TRAPPC6A: variants seen among roughly 807,000 people sequenced by gnomAD.
TRAPPC6A encodes the protein TRAPP complex subunit 6A.
TRAPPC6A carries 25 observed loss-of-function variants against 20.8 expected under a neutral mutation model. That is an observed-to-expected ratio of 1.20 (90% CI 0.88 to 1.68). The LOEUF (loss-of-function observed/expected upper bound fraction) is 1.68. Among genes scored for constraint, TRAPPC6A ranks in the 40% most tolerant of loss-of-function variants. The pLI, the probability that TRAPPC6A is intolerant of heterozygous loss-of-function variation, is 0.00. For synonymous variants in TRAPPC6A, 96 were observed against 93.3 expected (o/e 1.03, Z -0.16); for missense variants, 215 against 211.6 (o/e 1.02, Z -0.10).
At chr19:45,164,771 T>G (rs550685954) in intron 3 of TRAPPC6A, 82 bp downstream of exon 3, 1 of 1,354,752 alleles carries the variant, frequency 7.4e-7, no homozygotes, top group African/African-American at 1.4e-5. Context: ...CAGCCGCTGC[T>G]CTGGCGCCGG....
intron 1 of TRAPPC6A, among the ~76,000 whole-genome samples, chr19:45,167,048 A>C (rs997397853): frequency 6.6e-6 from 1 of 151,862 alleles, no homozygotes; most frequent in Non-Finnish European, 1.5e-5. Flanking sequence ...CCTCCCTCCC[A>C]GCTTGCGTCC....
intron 1 of TRAPPC6A, among the ~76,000 whole-genome samples, chr19:45,175,215 C>A (rs1303547341): frequency 6.7e-6 from 1 of 149,308 alleles, no homozygotes; most frequent in Non-Finnish European, 1.5e-5. Flanking sequence ...GAGCCCAGAT[C>A]GCGCCACTGC....
chr19:45,169,539 C>T (rs981139294), intron 1 of TRAPPC6A, among the ~76,000 whole-genome samples: 1 of 152,246 alleles, frequency 6.6e-6, no homozygotes, highest in African/African-American at 2.4e-5. Flanking sequence ...AACCTGAGTA[C>T]TTCAAGGCAG....
intron 1 of TRAPPC6A, among the ~76,000 whole-genome samples, chr19:45,176,754 C>A (rs746346484): frequency 7.2e-5 from 11 of 152,084 alleles, no homozygotes; most frequent in Non-Finnish European, 1.2e-4. Flanking sequence ...TCTTACATGG[C>A]CAGGTGCGGT....
chr19:45,175,426 C>CA (rs1217215768), intron 1 of TRAPPC6A, among the ~76,000 whole-genome samples: 5,454 of 81,246 alleles, frequency 0.067, 333 homozygotes, highest in African/African-American at 0.19. Flanking sequence ...GACTCCGTCT[C>CA]AAAAAAAAAA....
chr19:45,172,146 T>C lies in TRAPPC6A; in HGVS notation c.84+5989A>G, dbSNP rs987457344. On this transcript the variant is annotated intron_variant, in intron 1 of 5. Coordinates refer to ENST00000585934, the MANE Select transcript of TRAPPC6A (RefSeq NM_001270891.2). The surrounding 1 kb of genome is among the most constrained non-coding windows in gnomAD (Gnocchi z 4.2). ...CAAATAACCACCGTACCAGGCAGGA[T>C]AGGAGGTCACAAAAGCCCTACACAC... Among the ~76,000 whole-genome samples, 1 of 151,406 alleles carries C rather than the reference T, an allele frequency of 6.6e-6. No homozygotes were observed. The highest frequency in any genetic ancestry group is 1.5e-5 in the Non-Finnish European group (1 of 67,884).
intron 1 of TRAPPC6A, among the ~76,000 whole-genome samples, chr19:45,166,703 C>G (rs1185243715): frequency 6.6e-6 from 1 of 152,038 alleles, no homozygotes; most frequent in Non-Finnish European, 1.5e-5. Flanking sequence ...GAAGGAAGCT[C>G]ACCCTCCCGC....
Position 45,163,797 on chromosome 19 carries a change from G to A in TRAPPC6A, c.448+119C>T, listed in dbSNP as rs944206477. ...ATGGGCCTGCACCAGCCGTGTGGCTGAGCAGGTGACTTAAAACTGGGCCTG... is the reference window on the plus strand; with the variant it reads ...ATGGGCCTGCACCAGCCGTGTGGCTAAGCAGGTGACTTAAAACTGGGCCTG... On this transcript the variant is annotated intron_variant, in intron 5 of 5. Transcript: ENST00000585934. The surrounding 1 kb of genome is among the most constrained non-coding windows in gnomAD (Gnocchi z 5.3). 2.3e-6 allele frequency: 2 copies of A among 863,822 alleles called. No individual in the cohort carries two copies. Among genetic ancestry groups the A allele is most frequent in the Non-Finnish European group, 3.7e-6 (2 of 546,842 alleles). 53.5% of individuals were successfully genotyped at this position (863,822 alleles called of 1,614,324 possible). A position where few individuals can be genotyped will look rare whatever the true frequency, so the allele number is the denominator to read the frequency against.
rs957751289 is a variant in TRAPPC6A, at chr19:45,163,282, G to A, written c.449-59C>T. The A allele has an allele frequency of 9.4e-6, 15 of 1,595,848 alleles. No homozygotes were observed. In the East Asian group the frequency reaches 1.1e-4, roughly 12 times the overall value. On this transcript the variant is annotated intron_variant, in intron 5 of 5. Coordinates refer to ENST00000585934, the MANE Select transcript of TRAPPC6A (RefSeq NM_001270891.2). The surrounding 1 kb of genome is among the most constrained non-coding windows in gnomAD (Gnocchi z 5.3). ...GGGATGGGGGAGGCAGAGGGCACCT[G>A]GACGGCTCTTAGGCGCTCACCCCCG...
intron 1 of TRAPPC6A, among the ~76,000 whole-genome samples, chr19:45,170,292 G>T (rs1969242515): frequency 1.3e-5 from 2 of 152,248 alleles, no homozygotes; most frequent in Non-Finnish European, 2.9e-5. Flanking sequence ...TTCACCCGGG[G>T]AATGGGCAAA....
rs1209437790 is a variant in TRAPPC6A at position 45,172,778 on chromosome 19, C to T, written c.84+5357G>A. 6.6e-6 allele frequency among the ~76,000 whole-genome samples: 1 copy of T among 151,776 alleles called. No individual in the cohort carries two copies. Among genetic ancestry groups the T allele is most frequent in the Non-Finnish European group, 1.5e-5 (1 of 68,044 alleles). ...AAGCTCCTGCAACAGCGGGGCCCTTCCCAGGCCAATCTCCATCCAGTCCAT... is the reference window on the plus strand; with the variant it reads ...AAGCTCCTGCAACAGCGGGGCCCTTTCCAGGCCAATCTCCATCCAGTCCAT... On this transcript the variant is annotated intron_variant, in intron 1 of 5. Transcript: ENST00000585934. The surrounding 1 kb of genome is among the most constrained non-coding windows in gnomAD (Gnocchi z 4.2).
intron 3 of TRAPPC6A, 140 bp from the exon 4 acceptor site, chr19:45,164,387 G>A (rs1426163226): frequency 1.6e-5 from 10 of 636,128 alleles, no homozygotes. Context: ...TCACAGCCTT[G>A]GCCTCCAGTG....
At chr19:45,169,860 A>T (rs1969233815) in intron 1 of TRAPPC6A, among the ~76,000 whole-genome samples, 1 of 152,240 alleles carries the variant, frequency 6.6e-6, no homozygotes, top group African/African-American at 2.4e-5. Context: ...CTCTGGTGGA[A>T]CACGTCTGTG....
chr19:45,174,560 C>A (rs1450495785), intron 1 of TRAPPC6A, among the ~76,000 whole-genome samples: 1 of 152,134 alleles, frequency 6.6e-6, no homozygotes, highest in Non-Finnish European at 1.5e-5. Flanking sequence ...TGCTGGCTCA[C>A]ACCTGTAATC....
chr19:45,178,099 G>T, intron 1 of TRAPPC6A, 36 bp downstream of exon 1: 1 of 1,612,436 alleles, frequency 6.2e-7, no homozygotes, highest in East Asian at 2.2e-5. Context: ...TTACCTTGGT[G>T]GCCCCCGCTT....
In TRAPPC6A at chr19:45,172,776, T is replaced by G. The variant is rs1969292499; in HGVS notation, c.84+5359A>C. On this transcript the variant is annotated intron_variant, in intron 1 of 5. Coordinates refer to ENST00000585934, the MANE Select transcript of TRAPPC6A (RefSeq NM_001270891.2). The surrounding 1 kb of genome is among the most constrained non-coding windows in gnomAD (Gnocchi z 4.2). Reference sequence around the variant, plus strand: ...TTAAGCTCCTGCAACAGCGGGGCCCTTCCCAGGCCAATCTCCATCCAGTCC... The same window carrying G: ...TTAAGCTCCTGCAACAGCGGGGCCCGTCCCAGGCCAATCTCCATCCAGTCC... 6.6e-6 allele frequency among the ~76,000 whole-genome samples: 1 copy of G among 151,730 alleles called. No individual in the cohort carries two copies. The highest frequency in any genetic ancestry group is 2.1e-4 in the South Asian group (1 of 4,830).
intron 1 of TRAPPC6A, 88 bp from the exon 2 acceptor site, chr19:45,165,282 G>A (rs1237728849): frequency 9.3e-6 from 12 of 1,291,768 alleles, no homozygotes; most frequent in Non-Finnish European, 1.3e-5. Context: ...GGGACCCAAA[G>A]ACCAACTTGC....
At chr19:45,167,363 A>C (rs143457519) in intron 1 of TRAPPC6A, among the ~76,000 whole-genome samples, 1 of 152,266 alleles carries the variant, frequency 6.6e-6, no homozygotes, top group Non-Finnish European at 1.5e-5. Context: ...TTTCTGGTAC[A>C]AACACATCAC....
chr19:45,177,423 C>T (rs1346915638), intron 1 of TRAPPC6A, among the ~76,000 whole-genome samples: 3 of 152,118 alleles, frequency 2.0e-5, no homozygotes, highest in Non-Finnish European at 4.4e-5. Flanking sequence ...TCACTGCAAC[C>T]TCCGCCTCCC....
Sources: gnomAD v4.1 joint callset for allele counts (sites outside exome capture counted in the v4.1 genomes callset) on GRCh38, gnomAD v4.1.1 for gene constraint, Gnocchi (gnomAD v3.1) non-coding constraint, MANE v1.5 for transcripts, NCBI Gene and HGNC (gene_info 2026-07-23, HGNC 2026-07-21) for gene names.